Variants in ATP8B4 observed in about 807,000 individuals in gnomAD.
The protein encoded by ATP8B4 is probable phospholipid-transporting ATPase IM.
Under a neutral mutation model 145.6 loss-of-function variants are expected in ATP8B4, and 133 were observed. That is an observed-to-expected ratio of 0.91 (90% CI 0.79 to 1.05). The LOEUF is 1.05. ATP8B4 is among the 50% of genes least tolerant of loss of function. ATP8B4 has a pLI of 0.00. For synonymous variants in ATP8B4, 507 were observed against 492.9 expected, an observed-to-expected ratio of 1.03 and a Z score of -0.38; for missense variants, 1,458 against 1,425.2, an observed-to-expected ratio of 1.02 and a Z score of -0.37.
In ATP8B4 at chr15:49,929,659, G is replaced by A. The variant is rs142999042; in HGVS notation, c.1642+1460C>T. On this transcript the variant is annotated intron_variant, in intron 16 of 27. Transcript: ENST00000284509. ...AAAAAGAGAAAAGGACATCAATATT[G>A]AAGAATGGGATGAAGGAGAATAGTC... is the stretch of plus-strand genomic sequence containing the variant. Among the ~76,000 whole-genome samples the A allele has an allele frequency of 7.6e-3, 1,159 of 152,152 alleles. 9 individuals are homozygous for A. Among genetic ancestry groups the A allele is most frequent in the Admixed American group, 0.015 (234 of 15,264 alleles).
intron 12 of ATP8B4, among the ~76,000 whole-genome samples, chr15:49,978,739 T>TACACACACACAC (rs60436585): frequency 0.011 from 1,408 of 122,812 alleles, 32 homozygotes; most frequent in East Asian, 0.089. Context: ...CTTTATCAAA[T>TACACACACACAC]ACACACACAC....
chr15:50,040,997 T>C (rs935376320), intron 5 of ATP8B4, among the ~76,000 whole-genome samples: 4 of 152,188 alleles, frequency 2.6e-5, no homozygotes, highest in Non-Finnish European at 5.9e-5. Flanking sequence ...AGGAAAGATT[T>C]GAGAAGTTAA....
At chr15:50,073,560 G>C (rs1347656283) in intron 3 of ATP8B4, among the ~76,000 whole-genome samples, 1 of 152,164 alleles carries the variant, frequency 6.6e-6, no homozygotes, top group African/African-American at 2.4e-5. Context: ...ACATGTGCAT[G>C]TGTCTTTATA....
chr15:50,164,409 A>T (rs2044565954), intron 1 of ATP8B4, among the ~76,000 whole-genome samples: 1 of 152,094 alleles, frequency 6.6e-6, no homozygotes, highest in Non-Finnish European at 1.5e-5. Context: ...GGCCCAGAGC[A>T]TGTCTAGAAG....
At chr15:49,992,108 T>G (rs902045457) in intron 9 of ATP8B4, among the ~76,000 whole-genome samples, 1 of 152,166 alleles carries the variant, frequency 6.6e-6, no homozygotes, top group Non-Finnish European at 1.5e-5. Flanking sequence ...TCAATTTACC[T>G]GGGTCTCTTT....
rs150218687 is a variant in ATP8B4 at position 50,005,827 on chromosome 15, A to G, written c.436-3604T>C. 4.9e-3 allele frequency among the ~76,000 whole-genome samples: 741 copies of G among 152,354 alleles called. 5 individuals are homozygous for G. Among genetic ancestry groups the G allele is most frequent in the African/African-American group, 0.017 (712 of 41,590 alleles). On this transcript the variant is annotated intron_variant, in intron 7 of 27. Transcript: ENST00000284509. ...TGTTTTGCTTTGTTGGTGTTCAAAA[A>G]TCAAAACTACAATGGTGAAAGAATA...
At chr15:49,938,642 G>C (rs1157428150) in intron 14 of ATP8B4, among the ~76,000 whole-genome samples, 1 of 152,010 alleles carries the variant, frequency 6.6e-6, no homozygotes. Flanking sequence ...GACTTAGAGA[G>C]CCACACAATA....
chr15:49,903,871 G>A (rs2038322613), intron 20 of ATP8B4, among the ~76,000 whole-genome samples: 1 of 150,884 alleles, frequency 6.6e-6, no homozygotes, highest in Admixed American at 6.6e-5. Flanking sequence ...TCCAGCCTGG[G>A]CAACAAGAGC....
chr15:50,078,420 A>G (rs1183153975), intron 2 of ATP8B4, among the ~76,000 whole-genome samples: 1 of 152,118 alleles, frequency 6.6e-6, no homozygotes, highest in African/African-American at 2.4e-5. Context: ...AACAGAGAAC[A>G]AGAAAAAGTC....
At chr15:50,170,410 G>A (rs551254751) in intron 1 of ATP8B4, among the ~76,000 whole-genome samples, 1 of 152,186 alleles carries the variant, frequency 6.6e-6, no homozygotes, top group Non-Finnish European at 1.5e-5. Context: ...AGAATTTTGT[G>A]TCCAGCAAAA....
rs564002244 is a variant in ATP8B4 at position 50,085,662 on chromosome 15, G to A, written c.29-11477C>T. ...TGCAGAATTCTCCCAATCATCAAAC[G>A]TGTAAAATTATATGTGTAAGATTTA... is the stretch of plus-strand genomic sequence containing the variant. On this transcript the variant is annotated intron_variant, in intron 2 of 27. Transcript: ENST00000284509. Among the ~76,000 whole-genome samples, 9 of 151,320 alleles carry A rather than the reference G, an allele frequency of 5.9e-5. 1 individual carries two copies. The South Asian group carries it at 8.3e-4, about 14-fold the overall frequency.
intron 15 of ATP8B4, 78 bp from the exon 16 acceptor site, chr15:49,931,385 A>C (rs2041241621): frequency 2.2e-6 from 3 of 1,340,824 alleles, no homozygotes; most frequent in Non-Finnish European, 3.1e-6. Context: ...ACTCCAACTC[A>C]GTATTTAACA....
intron 9 of ATP8B4, among the ~76,000 whole-genome samples, chr15:49,992,078 T>C (rs889463748): frequency 1.3e-5 from 2 of 152,140 alleles, no homozygotes; most frequent in Non-Finnish European, 2.9e-5. Flanking sequence ...TTAACAGCCA[T>C]ATGACACTGG....
upstream of ATP8B4, among the ~76,000 whole-genome samples, chr15:50,121,267 C>T (rs2057267512): frequency 6.6e-6 from 1 of 151,976 alleles, no homozygotes; most frequent in Non-Finnish European, 1.5e-5. Context: ...ATGATAACAG[C>T]AAGGCTCAGC....
intron 14 of ATP8B4, among the ~76,000 whole-genome samples, chr15:49,950,605 AACAAACAAACAAAC>A (rs2042991485): frequency 5.8e-5 from 6 of 103,780 alleles, no homozygotes; most frequent in Admixed American, 9.1e-5. Flanking sequence ...AAAAAAAACA[AACAAACAAACAAAC>A]AAAAAAAACA....
At chr15:49,880,506 C>T (rs562573257) in intron 23 of ATP8B4, 1 of 152,212 alleles carries the variant, frequency 6.6e-6, no homozygotes, top group East Asian at 1.9e-4. Context: ...CTAAACATGG[C>T]TTATTACCTA....
chr15:50,143,332 G>A (rs112893908), intron 1 of ATP8B4, among the ~76,000 whole-genome samples: 99 of 152,324 alleles, frequency 6.5e-4, no homozygotes, highest in African/African-American at 2.3e-3. Flanking sequence ...GGGCTTGACT[G>A]GGGCTGGAGG....
At chr15:50,021,237 C>CA (rs2049542149) in intron 6 of ATP8B4, among the ~76,000 whole-genome samples, 1 of 152,196 alleles carries the variant, frequency 6.6e-6, no homozygotes, top group Admixed American at 6.5e-5. Flanking sequence ...CATACCTGGA[C>CA]AAGAGTAGAA....
At chr15:50,165,635 A>AG (rs1483481356) in intron 1 of ATP8B4, among the ~76,000 whole-genome samples, 7 of 152,174 alleles carry the variant, frequency 4.6e-5, no homozygotes, top group African/African-American at 1.4e-4. Context: ...AAAAATAAAA[A>AG]GGGGGGTCAT....
Sources: allele counts gnomAD v4.1 joint callset (sites outside exome capture counted in the v4.1 genomes callset), GRCh38; gene constraint gnomAD v4.1.1; transcripts MANE v1.5; gene names NCBI Gene and HGNC (gene_info 2026-07-23, HGNC 2026-07-21).